PLXNA2: variants seen among roughly 807,000 people sequenced by gnomAD.
PLXNA2 encodes plexin A2.
A neutral mutation model predicts 193.5 loss-of-function variants in PLXNA2; 91 were observed. The observed-to-expected ratio is 0.47, with a 90% CI of 0.40 to 0.56. PLXNA2 has a LOEUF of 0.56. Among genes scored for constraint, PLXNA2 ranks in the 20% least tolerant of loss-of-function variants. PLXNA2 has a pLI of 0.00. For synonymous variants in PLXNA2, 997 were observed against 1,027.3 expected (o/e 0.97, Z 0.56); for missense variants, 1,995 against 2,503.2 (o/e 0.80, Z 4.33).
intron 13 of PLXNA2, among the ~76,000 whole-genome samples, chr1:208,057,116 T>G (rs1378075988): frequency 6.6e-6 from 1 of 152,178 alleles, no homozygotes; most frequent in Non-Finnish European, 1.5e-5. Context: ...CAAAGCAAAT[T>G]CTAGCCCTTA....
At chr1:208,069,920 C>T (rs1665928156) in intron 12 of PLXNA2, among the ~76,000 whole-genome samples, 1 of 152,228 alleles carries the variant, frequency 6.6e-6, no homozygotes, top group Non-Finnish European at 1.5e-5. Context: ...TTTTATCCCA[C>T]TAAGCGCTCA....
At chr1:208,121,806 T>C (rs577173007) in intron 4 of PLXNA2, among the ~76,000 whole-genome samples, 1 of 152,118 alleles carries the variant, frequency 6.6e-6, no homozygotes, top group Non-Finnish European at 1.5e-5. Flanking sequence ...CCCATACCCA[T>C]ACTCGTGTAC....
chr1:208,082,509 C>A lies in PLXNA2; in HGVS notation c.2299-1G>T, dbSNP rs1010560114. 1.2e-6 allele frequency: 2 copies of A among 1,613,272 alleles called. No individual in the cohort carries two copies. Among genetic ancestry groups the A allele is most frequent in the Admixed American group, 3.3e-5 (2 of 59,990 alleles). ...TGATGTCCATGCCATCATACTGGTA[C>A]TATAGGGAGACGGGCAGAGGCATGG... On this transcript the variant is annotated splice_acceptor_variant, in intron 10 of 31. Coordinates refer to ENST00000367033, the MANE Select transcript of PLXNA2 (RefSeq NM_025179.4). LOFTEE classifies it high-confidence loss of function. This position sits in a 1 kb window ranked among gnomAD's most constrained non-coding sequence, Gnocchi z 4.2.
intron 22 of PLXNA2, among the ~76,000 whole-genome samples, chr1:208,040,718 G>A (rs1664837268): frequency 1.3e-5 from 2 of 152,210 alleles, no homozygotes; most frequent in Non-Finnish European, 2.9e-5. Flanking sequence ...AAAGTGCCTG[G>A]CACCTGCTAA....
chr1:208,038,537 C>T lies in PLXNA2; in HGVS notation c.4661-63G>A, dbSNP rs1664750722. The T allele has an allele frequency of 2.3e-6, 3 of 1,311,286 alleles. No individual in the cohort carries two copies. The highest frequency in any genetic ancestry group is 2.9e-5 in the African/African-American group (2 of 69,250). 81.2% of individuals were successfully genotyped at this position (1,311,286 alleles called of 1,614,324 possible). A position where few individuals can be genotyped will look rare whatever the true frequency, so the allele number is the denominator to read the frequency against. On this transcript the variant is annotated intron_variant, in intron 25 of 31. Coordinates refer to ENST00000367033, the MANE Select transcript of PLXNA2 (RefSeq NM_025179.4). The surrounding 1 kb of genome is among the most constrained non-coding windows in gnomAD (Gnocchi z 4.1). ...GGATGAGGGCTGTGAGCCAGTGTCT[C>T]CCGATTGCACCTTCTCTAGGGACCT...
rs751893998 is a variant in PLXNA2, at chr1:208,168,723, G to GTTTTTTTTTTTTTTTTTTT, written c.1372-26261_1372-26260insAAAAAAAAAAAAAAAAAAA. ...CAAAAAGAAGACAAAGAGTATGCGG[G>GTTTTTTTTTTTTTTTTTTT]GTTTTTTTTTTTTTTTTTTTTTTTT... On this transcript the variant is annotated intron_variant, in intron 3 of 31. Transcript: ENST00000367033. Among the ~76,000 whole-genome samples, 78 of 102,222 alleles carry GTTTTTTTTTTTTTTTTTTT rather than the reference G, an allele frequency of 7.6e-4. 21 individuals are homozygous for GTTTTTTTTTTTTTTTTTTT. The highest frequency in any genetic ancestry group is 1.6e-3 in the East Asian group (4 of 2,484). The allele number at this position is 102,222 out of a possible 152,430, so 67.1% of individuals were successfully genotyped here.
chr1:208,162,559 G>A (rs889977676), intron 3 of PLXNA2, among the ~76,000 whole-genome samples: 1 of 152,146 alleles, frequency 6.6e-6, no homozygotes, highest in Non-Finnish European at 1.5e-5. Context: ...ATCTTTTTAG[G>A]GGAGTACAAA....
intron 3 of PLXNA2, among the ~76,000 whole-genome samples, chr1:208,160,831 TACTATAATAG>T (rs1256902067): frequency 6.6e-6 from 1 of 152,254 alleles, no homozygotes; most frequent in Non-Finnish European, 1.5e-5. Context: ...CTGGGCCTTG[TACTATAATAG>T]ACTTTTACAC....
At chr1:208,136,570 C>T (rs1250948554) in intron 4 of PLXNA2, among the ~76,000 whole-genome samples, 3 of 152,248 alleles carry the variant, frequency 2.0e-5, no homozygotes, top group Admixed American at 6.5e-5. Flanking sequence ...CTATCCTGGC[C>T]TTCTGGCCTC....
chr1:208,082,586 T>C lies in PLXNA2; in HGVS notation c.2299-78A>G, dbSNP rs1410166034. The C allele has an allele frequency of 4.3e-5, 41 of 954,042 alleles. No homozygotes were observed. The highest frequency in any genetic ancestry group is 1.7e-4 in the Admixed American group (9 of 53,842). 59.1% of individuals were successfully genotyped at this position (954,042 alleles called of 1,614,324 possible). A position where few individuals can be genotyped will look rare whatever the true frequency, so the allele number is the denominator to read the frequency against. ...GTCAGGGATGCAGACAAACCCTGCA[T>C]GCTGCTCAGATTATTATGACGCTCT... On this transcript the variant is annotated intron_variant, in intron 10 of 31. Coordinates refer to ENST00000367033, the MANE Select transcript of PLXNA2 (RefSeq NM_025179.4). The surrounding 1 kb of genome is among the most constrained non-coding windows in gnomAD (Gnocchi z 4.2).
At chr1:208,212,403 T>C (rs1670992030) in intron 2 of PLXNA2, among the ~76,000 whole-genome samples, 3 of 152,252 alleles carry the variant, frequency 2.0e-5, no homozygotes, top group Admixed American at 6.5e-5. Flanking sequence ...ATGATGGTGC[T>C]GCACTTGTGT....
Position 208,151,945 on chromosome 1 carries a change from C to T in PLXNA2, c.1372-9482G>A, listed in dbSNP as rs942355563. ...GCACTGGGTGCCTCTGGAGATAAGT[C>T]CTGGGGAACAAAATAGATCATATAG... On this transcript the variant is annotated intron_variant, in intron 3 of 31. Coordinates refer to ENST00000367033, the MANE Select transcript of PLXNA2 (RefSeq NM_025179.4). Among the ~76,000 whole-genome samples the T allele has an allele frequency of 2.0e-5, 3 of 152,172 alleles. No individual in the cohort carries two copies. The East Asian group carries it at 5.8e-4, about 29-fold the overall frequency.
At chr1:208,039,844 C>T (rs563289539) in intron 23 of PLXNA2, 77 bp from the exon 24 acceptor site, 47 of 1,604,964 alleles carry the variant, frequency 2.9e-5, no homozygotes, top group Middle Eastern at 1.7e-4. Flanking sequence ...TCTCTCGGAG[C>T]GAGGCCAGTG....
In PLXNA2 at chr1:208,044,468, G is replaced by T; in HGVS notation, c.3874+40C>A. 6.9e-7 allele frequency: 1 copy of T among 1,440,424 alleles called. No homozygotes were observed. Among genetic ancestry groups the T allele is most frequent in the Non-Finnish European group, 9.8e-7 (1 of 1,022,978 alleles). The allele number at this position is 1,440,424 out of a possible 1,614,324, so 89.2% of individuals were successfully genotyped here. On this transcript the variant is annotated intron_variant, in intron 20 of 31. Coordinates refer to ENST00000367033, the MANE Select transcript of PLXNA2 (RefSeq NM_025179.4). The surrounding 1 kb of genome is among the most constrained non-coding windows in gnomAD (Gnocchi z 4.9). ...GGAGAAGGGCAATAAGGCAGGTGGA[G>T]AAAGAGGGACCCAGCAAATGAGGGT...
At chr1:208,183,537 A>G (rs1462576472) in intron 3 of PLXNA2, among the ~76,000 whole-genome samples, 5 of 138,570 alleles carry the variant, frequency 3.6e-5, no homozygotes, top group African/African-American at 1.1e-4. Flanking sequence ...TTGCAGCACC[A>G]TTCTGCGCAG....
At chr1:208,073,040 T>C (rs1451119679) in intron 12 of PLXNA2, among the ~76,000 whole-genome samples, 1 of 152,234 alleles carries the variant, frequency 6.6e-6, no homozygotes, top group Non-Finnish European at 1.5e-5. Flanking sequence ...TGTGTGACAC[T>C]GGGCTAATTC....
intron 3 of PLXNA2, among the ~76,000 whole-genome samples, chr1:208,200,577 C>CTTTTTTTTTTTTTTTTTTTTTTTTT (rs36026400): frequency 1.8e-5 from 2 of 113,998 alleles, no homozygotes; most frequent in Non-Finnish European, 3.4e-5. Flanking sequence ...CCCAATCCTT[C>CTTTTTTTTTTTTTTTTTTTTTTTTT]TTTTTTTTTT....
chr1:208,168,288 G>C (rs1307334574), intron 3 of PLXNA2, among the ~76,000 whole-genome samples: 1 of 152,182 alleles, frequency 6.6e-6, no homozygotes, highest in African/African-American at 2.4e-5. Context: ...GTCCAGAGAA[G>C]AGGAATGGAC....
At chr1:208,065,694 C>T (rs181514605) in intron 12 of PLXNA2, among the ~76,000 whole-genome samples, 1 of 152,180 alleles carries the variant, frequency 6.6e-6, no homozygotes, top group African/African-American at 2.4e-5. Context: ...AAGAGCTGCT[C>T]ATGGGCCGTT....
Sources: allele counts gnomAD v4.1 joint callset (sites outside exome capture counted in the v4.1 genomes callset), GRCh38; gene constraint gnomAD v4.1.1; non-coding constraint Gnocchi (gnomAD v3.1); transcripts MANE v1.5; gene names NCBI Gene and HGNC (gene_info 2026-07-23, HGNC 2026-07-21).